Variants in SEMA3A observed in about 807,000 individuals in gnomAD.
The protein encoded by SEMA3A is semaphorin 3A.
A neutral mutation model predicts 97.9 loss-of-function variants in SEMA3A; 29 were observed. The observed-to-expected ratio is 0.30, with a 90% CI of 0.22 to 0.40. The LOEUF (loss-of-function observed/expected upper bound fraction) is 0.40. SEMA3A is among the 10% of genes least tolerant of loss of function. SEMA3A has a pLI of 1.00. For synonymous variants in SEMA3A, 321 were observed against 323.7 expected, an observed-to-expected ratio of 0.99 and a Z score of 0.09; for missense variants, 763 against 951.3, an observed-to-expected ratio of 0.80 and a Z score of 2.60.
intron 2 of SEMA3A, among the ~76,000 whole-genome samples, chr7:84,356,887 A>T (rs900216318): frequency 1.3e-5 from 2 of 151,886 alleles, no homozygotes; most frequent in Non-Finnish European, 2.9e-5. Context: ...ATAAGCCTGT[A>T]CAATGATATT....
chr7:84,207,671 A>C (rs138312543), intron 3 of SEMA3A, among the ~76,000 whole-genome samples: 38 of 152,340 alleles, frequency 2.5e-4, no homozygotes, highest in African/African-American at 9.1e-4. Flanking sequence ...CATTTTGCCA[A>C]GTTCTCTGAC....
At chr7:84,043,624 T>C (rs561448438) in intron 6 of SEMA3A, among the ~76,000 whole-genome samples, 15 of 152,234 alleles carry the variant, frequency 9.9e-5, no homozygotes, top group African/African-American at 3.1e-4. Flanking sequence ...TGTGTAAACA[T>C]TGTTTTCAAT....
intron 1 of SEMA3A, among the ~76,000 whole-genome samples, chr7:84,403,217 C>T (rs375776645): frequency 2.6e-4 from 39 of 152,242 alleles, no homozygotes; most frequent in South Asian, 1.0e-3. Context: ...GCTTTTCCAA[C>T]GGGCTTAACA....
intron 1 of SEMA3A, among the ~76,000 whole-genome samples, chr7:84,412,147 C>G (rs1250696650): frequency 2.0e-5 from 3 of 152,026 alleles, no homozygotes; most frequent in Non-Finnish European, 2.9e-5. Flanking sequence ...GTTTGAAAAG[C>G]CTATTGATGA....
intron 1 of SEMA3A, among the ~76,000 whole-genome samples, chr7:84,147,399 A>G (rs963525713): frequency 2.0e-5 from 3 of 152,196 alleles, no homozygotes; most frequent in African/African-American, 7.2e-5. Context: ...TTCCTTATTC[A>G]TTGACAAAAA....
chr7:84,477,647 A>G (rs1025561175), intron 1 of SEMA3A, among the ~76,000 whole-genome samples: 5 of 152,070 alleles, frequency 3.3e-5, no homozygotes, highest in Admixed American at 1.3e-4. Context: ...ATGTATAGTG[A>G]TATAACTAAG....
chr7:84,443,510 G>A (rs906045202), intron 1 of SEMA3A, among the ~76,000 whole-genome samples: 1 of 152,064 alleles, frequency 6.6e-6, no homozygotes, highest in Admixed American at 6.5e-5. Flanking sequence ...GAGTTTTTGA[G>A]AGTAGGAAAC....
intron 1 of SEMA3A, among the ~76,000 whole-genome samples, chr7:84,135,157 C>T (rs1304674534): frequency 2.0e-5 from 3 of 148,400 alleles, no homozygotes; most frequent in Admixed American, 6.7e-5. Flanking sequence ...GCTCTTGTTG[C>T]CCAGGTTGGA....
intron 4 of SEMA3A, among the ~76,000 whole-genome samples, chr7:84,064,263 A>G (rs1793385049): frequency 1.3e-5 from 2 of 152,220 alleles, no homozygotes; most frequent in South Asian, 4.1e-4. Context: ...AGAGCTCCTG[A>G]AGGAAGCACT....
intron 1 of SEMA3A, among the ~76,000 whole-genome samples, chr7:84,478,176 A>T (rs1806351042): frequency 6.6e-6 from 1 of 152,134 alleles, no homozygotes. Context: ...CGGGACTTGG[A>T]GCAAAACTGA....
intron 4 of SEMA3A, among the ~76,000 whole-genome samples, chr7:84,089,559 T>A (rs934678933): frequency 3.3e-5 from 5 of 152,094 alleles, no homozygotes; most frequent in Non-Finnish European, 7.4e-5. Context: ...ATCATACACA[T>A]CTAAATTACA....
intron 2 of SEMA3A, among the ~76,000 whole-genome samples, chr7:84,332,391 C>T (rs985415178): frequency 5.9e-5 from 9 of 152,070 alleles, no homozygotes; most frequent in African/African-American, 2.2e-4. Flanking sequence ...TCACTGGATA[C>T]ACCACCAATG....
At chr7:84,392,999 T>G (rs1433638314) in intron 1 of SEMA3A, among the ~76,000 whole-genome samples, 1 of 152,180 alleles carries the variant, frequency 6.6e-6, no homozygotes, top group African/African-American at 2.4e-5. Flanking sequence ...AGGTTGTCTC[T>G]TCAACATTGT....
At chr7:84,492,047 T>C (rs1806747640) in intron 1 of SEMA3A, among the ~76,000 whole-genome samples, 3 of 152,088 alleles carry the variant, frequency 2.0e-5, no homozygotes, top group Admixed American at 6.6e-5. Flanking sequence ...CGTAGCAGTA[T>C]AGTTATGCAT....
chr7:84,358,466 T>G (rs1802628165), intron 2 of SEMA3A, among the ~76,000 whole-genome samples: 1 of 152,202 alleles, frequency 6.6e-6, no homozygotes, highest in African/African-American at 2.4e-5. Flanking sequence ...GTATTATTCC[T>G]GAGGGCTCCA....
rs1345057406 is a variant in SEMA3A at position 84,095,346 on chromosome 7, AT to A, written c.453+15123del. On this transcript the variant is annotated intron_variant, in intron 4 of 16. Coordinates refer to ENST00000265362, the MANE Select transcript of SEMA3A (RefSeq NM_006080.3). ...ATTATATATATTATATATATTTTAT[AT>A]TTTTTATATACATATATATATATAT... is the stretch of plus-strand genomic sequence containing the variant. Among the ~76,000 whole-genome samples, 309 of 114,282 alleles carry A rather than the reference AT, an allele frequency of 2.7e-3. 1 individual carries two copies. The highest frequency in any genetic ancestry group is 0.012 in the African/African-American group (294 of 23,628). The allele number at this position is 114,282 out of a possible 152,430, so 75.0% of individuals were successfully genotyped here. A position where few individuals can be genotyped will look rare whatever the true frequency, so the allele number is the denominator to read the frequency against.
At position 84,391,025 on chromosome 7, in the gene SEMA3A, AG is replaced by A. The variant is rs576733803; in HGVS notation, c.-245-19126del. Among the ~76,000 whole-genome samples, 373 of 152,248 alleles carry A rather than the reference AG, an allele frequency of 2.4e-3. 1 individual carries two copies. The highest frequency in any genetic ancestry group is 8.6e-3 in the African/African-American group (357 of 41,568). ...TGTAGCTTGCAATCCAGGGTTACTA[AG>A]GGTCCACCTTCAAAACTTAGAGCTT... On this transcript the variant is annotated intron_variant, in intron 1 of 3. Coordinates refer to the SEMA3A transcript ENST00000424555.
chr7:84,105,405 G>T (rs1405658146), intron 4 of SEMA3A, among the ~76,000 whole-genome samples: 2 of 152,120 alleles, frequency 1.3e-5, no homozygotes, highest in African/African-American at 4.8e-5. Context: ...TAGTGGAAGG[G>T]AAGAACCAGA....
At chr7:84,479,398 G>C (rs940937051) in intron 1 of SEMA3A, among the ~76,000 whole-genome samples, 2 of 152,142 alleles carry the variant, frequency 1.3e-5, no homozygotes, top group African/African-American at 4.8e-5. Context: ...GCATTTATAG[G>C]GTGGAATGGT....
Sources: gnomAD v4.1 joint callset for allele counts (sites outside exome capture counted in the v4.1 genomes callset) on GRCh38, gnomAD v4.1.1 for gene constraint, MANE v1.5 for transcripts, NCBI Gene and HGNC (gene_info 2026-07-23, HGNC 2026-07-21) for gene names.